Variants in CNTNAP2 observed in about 807,000 individuals in gnomAD.
CNTNAP2 encodes contactin-associated protein-like 2.
Under a neutral mutation model 155.2 loss-of-function variants are expected in CNTNAP2, and 98 were observed. That is an observed-to-expected ratio of 0.63 (90% confidence interval 0.54 to 0.75). The LOEUF (loss-of-function observed/expected upper bound fraction) is 0.75. Among genes scored for constraint, CNTNAP2 ranks in the 30% least tolerant of loss-of-function variants. The pLI is 0.00. For missense variants in CNTNAP2, 1,727 were observed against 1,688.1 expected, an observed-to-expected ratio of 1.02 and a Z score of -0.40; for synonymous variants, 651 against 631.2, an observed-to-expected ratio of 1.03 and a Z score of -0.47.
At chr7:146,757,965 T>C (rs1025819698) in intron 1 of CNTNAP2, among the ~76,000 whole-genome samples, 5 of 152,244 alleles carry the variant, frequency 3.3e-5, no homozygotes, top group African/African-American at 1.2e-4. Context: ...TTTTCCCATC[T>C]GGAATTCATT....
At position 147,765,622 on chromosome 7, in the gene CNTNAP2, C is replaced by T. The variant is rs572717222; in HGVS notation, c.2098+126316C>T. ...TGAGAAATAGCGAGTTATACATCGCCGTTTGGGATGTAAAATGTTATGAAC... is the reference window on the plus strand; with the variant it reads ...TGAGAAATAGCGAGTTATACATCGCTGTTTGGGATGTAAAATGTTATGAAC... On this transcript the variant is annotated intron_variant, in intron 13 of 23. Coordinates refer to ENST00000361727, the MANE Select transcript of CNTNAP2 (RefSeq NM_014141.6). Among the ~76,000 whole-genome samples the T allele has an allele frequency of 1.7e-3, 255 of 151,962 alleles. 1 individual carries two copies. The highest frequency in any genetic ancestry group is 5.8e-3 in the African/African-American group (239 of 41,436).
At chr7:146,896,384 C>G (rs1415871227) in intron 3 of CNTNAP2, among the ~76,000 whole-genome samples, 2 of 152,178 alleles carry the variant, frequency 1.3e-5, no homozygotes, top group African/African-American at 4.8e-5. Context: ...ACTAGGCAGT[C>G]TCCCTAATTC....
chr7:146,694,428 A>G (rs10952655), intron 1 of CNTNAP2, among the ~76,000 whole-genome samples: 97,418 of 152,094 alleles, frequency 0.64, 35,536 homozygotes, highest in South Asian at 0.87. Context: ...GTGTGGGTCT[A>G]TTTCTGGACT....
chr7:147,668,112 T>G (rs190396108), intron 13 of CNTNAP2, among the ~76,000 whole-genome samples: 1 of 151,836 alleles, frequency 6.6e-6, no homozygotes, highest in East Asian at 1.9e-4. Flanking sequence ...TAATGAGGAG[T>G]TGTTGGAATA....
At chr7:147,094,260 A>G (rs570998615) in intron 4 of CNTNAP2, among the ~76,000 whole-genome samples, 1 of 152,162 alleles carries the variant, frequency 6.6e-6, no homozygotes, top group East Asian at 1.9e-4. Flanking sequence ...TTCTATCAAC[A>G]TTCTGTTCAC....
At chr7:146,351,979 G>A (rs2129098896) in intron 1 of CNTNAP2, among the ~76,000 whole-genome samples, 2 of 152,242 alleles carry the variant, frequency 1.3e-5, no homozygotes, top group African/African-American at 4.8e-5. Context: ...TCTGTGTTAG[G>A]AAGTGTCAAA....
At chr7:147,271,746 C>A (rs1414601258) in intron 8 of CNTNAP2, among the ~76,000 whole-genome samples, 1 of 152,094 alleles carries the variant, frequency 6.6e-6, no homozygotes, top group Non-Finnish European at 1.5e-5. Flanking sequence ...ATAGGGGAAC[C>A]ACCCCCATGA....
At chr7:146,979,675 T>A (rs115809298) in intron 3 of CNTNAP2, among the ~76,000 whole-genome samples, 1 of 152,154 alleles carries the variant, frequency 6.6e-6, no homozygotes, top group Admixed American at 6.5e-5. Flanking sequence ...AAAATGTTTG[T>A]TGAAGGAAGA....
At chr7:148,334,050 C>T (rs1424056605) in intron 21 of CNTNAP2, among the ~76,000 whole-genome samples, 1 of 152,212 alleles carries the variant, frequency 6.6e-6, no homozygotes, top group African/African-American at 2.4e-5. Context: ...GTGTAATTTT[C>T]ATCATAATGG....
chr7:148,323,924 C>T (rs189059057), intron 21 of CNTNAP2, among the ~76,000 whole-genome samples: 1 of 147,882 alleles, frequency 6.8e-6, no homozygotes, highest in African/African-American at 2.5e-5. Flanking sequence ...TTCACTCTTG[C>T]CCAGGCTGGA....
intron 18 of CNTNAP2, among the ~76,000 whole-genome samples, chr7:148,202,339 A>G (rs1489705566): frequency 2.0e-5 from 3 of 152,332 alleles, no homozygotes; most frequent in East Asian, 3.9e-4. Flanking sequence ...AAACATATAC[A>G]TAATTTCTGG....
chr7:146,715,551 T>G (rs949038049), intron 1 of CNTNAP2, among the ~76,000 whole-genome samples: 10 of 152,064 alleles, frequency 6.6e-5, no homozygotes, highest in African/African-American at 2.4e-4. Flanking sequence ...GTATACAGTT[T>G]CAGCAGCAAA....
intron 1 of CNTNAP2, among the ~76,000 whole-genome samples, chr7:146,340,151 A>G (rs184154125): frequency 0.045 from 6,307 of 139,678 alleles, 315 homozygotes; most frequent in African/African-American, 0.13. Flanking sequence ...CCTGGGCGAT[A>G]GAGCGAGACT....
At chr7:148,161,503 T>C (rs1438840116) in intron 17 of CNTNAP2, among the ~76,000 whole-genome samples, 1 of 152,112 alleles carries the variant, frequency 6.6e-6, no homozygotes, top group Admixed American at 6.5e-5. Context: ...TTGTCATCCC[T>C]CTCAACCCTT....
intron 5 of CNTNAP2, among the ~76,000 whole-genome samples, chr7:147,116,838 T>A (rs978433013): frequency 6.6e-6 from 1 of 152,020 alleles, no homozygotes; most frequent in Non-Finnish European, 1.5e-5. Flanking sequence ...AGAAGCAGTC[T>A]GGCCATGATC....
chr7:148,326,672 T>C (rs6960528), intron 21 of CNTNAP2, among the ~76,000 whole-genome samples: 5,640 of 151,786 alleles, frequency 0.037, 187 homozygotes, highest in African/African-American at 0.089. Context: ...CGAGACCATC[T>C]TGGCCAACAC....
At chr7:147,038,874 C>G (rs922036331) in intron 3 of CNTNAP2, among the ~76,000 whole-genome samples, 8 of 152,144 alleles carry the variant, frequency 5.3e-5, no homozygotes, top group Admixed American at 1.3e-4. Context: ...TTAAAACTCT[C>G]TAGTAGATTT....
At chr7:146,573,338 T>C (rs1798472196) in intron 1 of CNTNAP2, among the ~76,000 whole-genome samples, 1 of 152,106 alleles carries the variant, frequency 6.6e-6, no homozygotes, top group African/African-American at 2.4e-5. Flanking sequence ...AGACAGGGTT[T>C]CACCACGTTG....
intron 13 of CNTNAP2, among the ~76,000 whole-genome samples, chr7:147,697,650 T>C (rs138562028): frequency 6.6e-6 from 1 of 152,146 alleles, no homozygotes; most frequent in Non-Finnish European, 1.5e-5. Flanking sequence ...ACTTCACAAG[T>C]TTCCGCCAAC....
Sources: gnomAD v4.1 joint callset for allele counts (sites outside exome capture counted in the v4.1 genomes callset) on GRCh38, gnomAD v4.1.1 for gene constraint, MANE v1.5 for transcripts, NCBI Gene and HGNC (gene_info 2026-07-23, HGNC 2026-07-21) for gene names.